Variants in CTNNA2 observed in about 807,000 individuals in gnomAD.
CTNNA2 encodes catenin alpha 2.
Under a neutral mutation model 101.0 loss-of-function variants are expected in CTNNA2, and 42 were observed. That is an observed-to-expected ratio of 0.42 (90% CI 0.32 to 0.54). The LOEUF is 0.54. CTNNA2 is among the 20% of genes least tolerant of loss of function. The pLI, the probability that CTNNA2 is intolerant of heterozygous loss-of-function variation, is 0.14. For missense variants in CTNNA2, 871 were observed against 1,223.1 expected (o/e 0.71, Z 4.29); for synonymous variants, 450 against 456.4 (o/e 0.99, Z 0.18).
chr2:80,073,662 C>G (rs1332673349), intron 7 of CTNNA2, among the ~76,000 whole-genome samples: 1 of 151,782 alleles, frequency 6.6e-6, no homozygotes, highest in Non-Finnish European at 1.5e-5. Flanking sequence ...TGAAGAAACA[C>G]AGAACCCAAG....
chr2:80,552,869 A>T (rs1197496278), intron 11 of CTNNA2, among the ~76,000 whole-genome samples: 1 of 152,094 alleles, frequency 6.6e-6, no homozygotes, highest in African/African-American at 2.4e-5. Context: ...TATTGACTGA[A>T]ATGATTTATG....
At chr2:79,317,032 T>A (rs1676513600) in intron 3 of CTNNA2, among the ~76,000 whole-genome samples, 1 of 152,008 alleles carries the variant, frequency 6.6e-6, no homozygotes, top group South Asian at 2.1e-4. Flanking sequence ...CATGTAGGGT[T>A]TCCATAGACA....
chr2:79,929,274 T>A (rs1323921260), intron 7 of CTNNA2, among the ~76,000 whole-genome samples: 1 of 152,148 alleles, frequency 6.6e-6, no homozygotes, highest in Non-Finnish European at 1.5e-5. Context: ...TACTCAAAAT[T>A]GCAAGATTCA....
chr2:79,560,946 T>G (rs1281752477), intron 1 of CTNNA2, among the ~76,000 whole-genome samples: 1 of 151,990 alleles, frequency 6.6e-6, no homozygotes, highest in East Asian at 1.9e-4. Context: ...ATAATTAACA[T>G]ACCATAAAAT....
intron 8 of CTNNA2, among the ~76,000 whole-genome samples, chr2:80,393,943 C>T (rs189876294): frequency 1.3e-5 from 2 of 152,236 alleles, no homozygotes; most frequent in East Asian, 1.9e-4. Context: ...TATATGTGGC[C>T]ATGATGAACT....
chr2:80,209,795 A>T (rs1394873387), intron 7 of CTNNA2, among the ~76,000 whole-genome samples: 4 of 152,210 alleles, frequency 2.6e-5, no homozygotes, highest in African/African-American at 9.6e-5. Flanking sequence ...CAACCTGAGT[A>T]AGGCTATACA....
intron 7 of CTNNA2, among the ~76,000 whole-genome samples, chr2:80,176,042 C>T (rs566220131): frequency 6.6e-6 from 1 of 152,296 alleles, no homozygotes; most frequent in African/African-American, 2.4e-5. Context: ...AATCCACTGA[C>T]TCAAATGTTA....
At chr2:79,310,762 G>A (rs1011074959) in intron 2 of CTNNA2, among the ~76,000 whole-genome samples, 3 of 152,256 alleles carry the variant, frequency 2.0e-5, no homozygotes, top group East Asian at 1.9e-4. Context: ...GAGAGACTGG[G>A]GGCAGATATT....
chr2:80,235,366 A>G (rs57043573), intron 7 of CTNNA2, among the ~76,000 whole-genome samples: 2,216 of 152,284 alleles, frequency 0.015, 55 homozygotes, highest in African/African-American at 0.051. Context: ...TTTTCCAAGT[A>G]TTCGGGCTGT....
intron 3 of CTNNA2, among the ~76,000 whole-genome samples, chr2:79,771,409 T>G (rs1278420303): frequency 2.0e-5 from 3 of 152,190 alleles, no homozygotes; most frequent in African/African-American, 7.2e-5. Context: ...AAGCACATTA[T>G]ATTTGTTGTG....
intron 4 of CTNNA2, among the ~76,000 whole-genome samples, chr2:79,501,311 G>T (rs1472259306): frequency 6.6e-6 from 1 of 152,124 alleles, no homozygotes; most frequent in African/African-American, 2.4e-5. Context: ...ATGGAGTCTT[G>T]CCCTATCACT....
chr2:80,639,535 G>GTGTGTGTC (rs1224617726), intron 18 of CTNNA2, among the ~76,000 whole-genome samples: 3 of 151,802 alleles, frequency 2.0e-5, no homozygotes, highest in African/African-American at 7.3e-5. Context: ...GTGTGTGTGT[G>GTGTGTGTC]TGTGTCTGTG....
chr2:79,560,486 G>A (rs1363318153), intron 1 of CTNNA2, among the ~76,000 whole-genome samples: 1 of 151,894 alleles, frequency 6.6e-6, no homozygotes, highest in Admixed American at 6.6e-5. Context: ...ATTGAAGTTG[G>A]CTTTAATTCA....
chr2:79,842,637 G>A (rs1230577345), intron 3 of CTNNA2, among the ~76,000 whole-genome samples: 1 of 151,942 alleles, frequency 6.6e-6, no homozygotes, highest in Non-Finnish European at 1.5e-5. Flanking sequence ...CAGGACTGAA[G>A]CTGACTATCT....
chr2:79,373,054 C>A (rs1291976282), intron 3 of CTNNA2, among the ~76,000 whole-genome samples: 1 of 152,110 alleles, frequency 6.6e-6, no homozygotes, highest in Non-Finnish European at 1.5e-5. Context: ...TAATCCTTGG[C>A]AAAATGTATA....
intron 7 of CTNNA2, among the ~76,000 whole-genome samples, chr2:80,233,356 C>CTCAT (rs1709365570): frequency 6.6e-6 from 1 of 152,032 alleles, no homozygotes; most frequent in Non-Finnish European, 1.5e-5. Flanking sequence ...CGATTTGAGA[C>CTCAT]TCATTTGAAG....
chr2:79,376,652 C>A (rs1677979456), intron 4 of CTNNA2, among the ~76,000 whole-genome samples: 1 of 152,108 alleles, frequency 6.6e-6, no homozygotes, highest in Non-Finnish European at 1.5e-5. Context: ...AACCCCACAA[C>A]AGGCCCTGGT....
At chr2:80,098,712 C>A (rs1276631903) in intron 7 of CTNNA2, among the ~76,000 whole-genome samples, 1 of 152,154 alleles carries the variant, frequency 6.6e-6, no homozygotes, top group African/African-American at 2.4e-5. Flanking sequence ...ATGGCAGGCG[C>A]CCCTCCCCCA....
intron 7 of CTNNA2, among the ~76,000 whole-genome samples, chr2:80,190,099 G>A (rs1030422233): frequency 6.6e-6 from 1 of 151,900 alleles, no homozygotes; most frequent in South Asian, 2.1e-4. Context: ...TCTAAAACTA[G>A]ACCTTAAAGC....
Sources: allele counts gnomAD v4.1 joint callset (sites outside exome capture counted in the v4.1 genomes callset), GRCh38; gene constraint gnomAD v4.1.1; transcripts MANE v1.5; gene names NCBI Gene and HGNC (gene_info 2026-07-23, HGNC 2026-07-21).